Variants in SH3BP2 observed in about 807,000 individuals in gnomAD.
SH3BP2 encodes the protein SH3 domain-binding protein 2.
Under a neutral mutation model 56.2 loss-of-function variants are expected in SH3BP2, and 38 were observed. The observed-to-expected ratio is 0.68, with a 90% CI of 0.52 to 0.89. The LOEUF (loss-of-function observed/expected upper bound fraction) is 0.89, where lower values mean the gene tolerates loss of function less well. SH3BP2 is among the 40% of genes least tolerant of loss of function. SH3BP2 has a pLI of 0.00. For synonymous variants in SH3BP2, 346 were observed against 316.7 expected (o/e 1.09, Z -0.98); for missense variants, 748 against 762.6 (o/e 0.98, Z 0.23).
In SH3BP2 at chr4:2,831,892, C is replaced by T. The variant is rs376448614; in HGVS notation, c.1351-31C>T. On this transcript the variant is annotated intron_variant, in intron 9 of 12. Coordinates refer to ENST00000503393, the MANE Select transcript of SH3BP2 (RefSeq NM_001122681.2). This position sits in a 1 kb window ranked among gnomAD's most constrained non-coding sequence, Gnocchi z 4.1. ...TGGTGGTGCGGGTGGATCACTCCGACGTTGGCACTGACACCGTCAGCCTCT... is the reference window on the plus strand; with the variant it reads ...TGGTGGTGCGGGTGGATCACTCCGATGTTGGCACTGACACCGTCAGCCTCT... 114 of 1,609,876 alleles carry T rather than the reference C, an allele frequency of 7.1e-5. No individual in the cohort carries two copies. The highest frequency in any genetic ancestry group is 6.2e-4 in the East Asian group (28 of 44,840).
At position 2,836,089 on chromosome 4, in the gene SH3BP2, C is replaced by T. The variant is rs1227761194; in HGVS notation, c.*2255C>T. 1.3e-5 allele frequency: 2 copies of T among 152,256 alleles called. No individual in the cohort carries two copies. The highest frequency in any genetic ancestry group is 1.3e-4 in the Admixed American group (2 of 15,280). The allele number at this position is 152,256 out of a possible 1,614,324, so 9.4% of individuals were successfully genotyped here. ...TCAAGTGGCTAAAGCATCCTGGGGC[C>T]CAGAGCCAGGTGATAGGTCCCTCTG... On this transcript the variant is annotated 3_prime_UTR_variant, in exon 13 of 13. Coordinates refer to ENST00000503393, the MANE Select transcript of SH3BP2 (RefSeq NM_001122681.2).
In SH3BP2 at chr4:2,831,607, C is replaced by T; in HGVS notation, c.1278C>T (p.Phe426=). The T allele has an allele frequency of 1.2e-6, 2 of 1,601,160 alleles. No individual in the cohort carries two copies. Among genetic ancestry groups the T allele is most frequent in the South Asian group, 2.2e-5 (2 of 89,120 alleles). ...CCGATGGGCAGAGTTTCAGGAGCTT[C>T]TCCTTTGAAAAGCCCCGGCAACCCT... ...SPPDGQSFRS[F]SFEKPRQPSQ... The change falls in exon 9 of 13, where the codon TTC becomes TTT. Residue 426 remains phenylalanine, a synonymous_variant. Coordinates refer to ENST00000503393, the MANE Select transcript of SH3BP2 (RefSeq NM_001122681.2). This position sits in a 1 kb window ranked among gnomAD's most constrained non-coding sequence, Gnocchi z 4.1.
chr4:2,803,127 C>T (rs11933325), intron 1 of SH3BP2, among the ~76,000 whole-genome samples: 44,280 of 152,058 alleles, frequency 0.29, 7,589 homozygotes, highest in African/African-American at 0.48. Context: ...AAGGGACAGG[C>T]GGCGCAGGGC....
rs1192457972 is a variant in SH3BP2, at chr4:2,827,586, A to AC, written c.518-14dup. The AC allele has an allele frequency of 5.1e-6, 8 of 1,567,110 alleles. No individual in the cohort carries two copies. The highest frequency in any genetic ancestry group is 3.7e-5 in the Admixed American group (2 of 54,306). On this transcript the variant is annotated intron_variant, in intron 6 of 12. Transcript: ENST00000503393. ...GGCCTGGGCCGGTTTGGCTCTCACC[A>AC]CCCCCCTCTCCCCATGCAGACTATG... is the stretch of plus-strand genomic sequence containing the variant.
chr4:2,813,858 GTT>G (rs1291875924), intron 1 of SH3BP2, among the ~76,000 whole-genome samples: 3 of 152,190 alleles, frequency 2.0e-5, no homozygotes, highest in Non-Finnish European at 4.4e-5. Flanking sequence ...TGGTGTGAGT[GTT>G]AACTGTACAT....
intron 1 of SH3BP2, chr4:2,818,730 T>G: frequency 1.0e-6 from 1 of 990,884 alleles, no homozygotes; most frequent in Non-Finnish European, 1.2e-6. Context: ...GGCCTGTGGT[T>G]GGGGGTCCTG....
chr4:2,819,298 C>T (rs890748721), intron 1 of SH3BP2, among the ~76,000 whole-genome samples: 1 of 152,188 alleles, frequency 6.6e-6, no homozygotes, highest in Admixed American at 6.5e-5. Context: ...TAGACCACTG[C>T]AGCCTCAAAC....
At position 2,838,174 on chromosome 4, in the gene SH3BP2, C is replaced by T. The variant is rs1725300371; in HGVS notation, c.*4340C>T. 6.6e-6 allele frequency: 1 copy of T among 152,222 alleles called. No homozygotes were observed. The highest frequency in any genetic ancestry group is 1.5e-5 in the Non-Finnish European group (1 of 68,052). 9.4% of individuals were successfully genotyped at this position (152,222 alleles called of 1,614,324 possible). A position where few individuals can be genotyped will look rare whatever the true frequency, so the allele number is the denominator to read the frequency against. Reference sequence around the variant, plus strand: ...AAGTGAATAAAACATAAATGCACAACCTAACACACTGTTAGGAAGTGAACG... The same window carrying T: ...AAGTGAATAAAACATAAATGCACAATCTAACACACTGTTAGGAAGTGAACG... On this transcript the variant is annotated 3_prime_UTR_variant, in exon 13 of 13. Transcript: ENST00000503393.
In SH3BP2 at chr4:2,827,332, C is replaced by A; in HGVS notation, c.517+14C>A. On this transcript the variant is annotated intron_variant, in intron 6 of 12. Transcript: ENST00000503393. ...CGGACAATGAAGGTGAGGTCTTTCT[C>A]CGCATCCACTGCCCGTTTGCCTCTC... is the stretch of plus-strand genomic sequence containing the variant. The A allele has an allele frequency of 6.2e-7, 1 of 1,610,364 alleles. No individual in the cohort carries two copies. Among genetic ancestry groups the A allele is most frequent in the Non-Finnish European group, 8.5e-7 (1 of 1,176,532 alleles).
At chr4:2,818,049 C>A in intron 1 of SH3BP2, 1 of 217,672 alleles carries the variant, frequency 4.6e-6, no homozygotes, top group South Asian at 1.6e-4. Context: ...CAAGCGCCCA[C>A]CAACCTCCTT....
Position 2,838,357 on chromosome 4 carries a change from C to T in SH3BP2, c.*4523C>T, listed in dbSNP as rs1426673120. On this transcript the variant is annotated 3_prime_UTR_variant, in exon 13 of 13. Transcript: ENST00000503393. ...AATTATGCAGGCATTGCAGTATTTT[C>T]CTGTTTCTGTGCTTTATCCCCTTGA... The T allele has an allele frequency of 6.6e-6, 1 of 152,192 alleles. No individual in the cohort carries two copies. Among genetic ancestry groups the T allele is most frequent in the Non-Finnish European group, 1.5e-5 (1 of 68,034 alleles). 9.4% of individuals were successfully genotyped at this position (152,192 alleles called of 1,614,324 possible).
At chr4:2,808,396 C>T (rs1723620768) in intron 1 of SH3BP2, among the ~76,000 whole-genome samples, 1 of 152,212 alleles carries the variant, frequency 6.6e-6, no homozygotes, top group Non-Finnish European at 1.5e-5. Context: ...ACATCGAAGA[C>T]CCTTTTTCCA....
chr4:2,827,743 G>A, intron 7 of SH3BP2, 69 bp downstream of exon 7: 2 of 1,358,836 alleles, frequency 1.5e-6, no homozygotes, highest in Non-Finnish European at 2.1e-6. Context: ...CGGGAGCAGA[G>A]CCCCTCCGAG....
rs1439986387 is a variant in SH3BP2, at chr4:2,818,279, G to A, written c.-4-2335G>A. 1.9e-6 allele frequency: 2 copies of A among 1,028,044 alleles called. No individual in the cohort carries two copies. Among genetic ancestry groups the A allele is most frequent in the Non-Finnish European group, 2.3e-6 (2 of 859,504 alleles). 63.7% of individuals were successfully genotyped at this position (1,028,044 alleles called of 1,614,324 possible). On this transcript the variant is annotated intron_variant, in intron 1 of 12. Transcript: ENST00000503393. The stretch of plus-strand genomic sequence containing the variant: ...TGGGGCCGGCGGGAGGCGGGCGCCC[G>A]GGACGAGGCGGCGGCGGCCGGGGGA...
Position 2,803,542 on chromosome 4 carries a change from G to C in SH3BP2, c.-5+10404G>C, listed in dbSNP as rs139020758. ...CAGGGAGTGAAGTGACTTGCCCCTAGTCTCCAGCTTAAGGGACCAAGGCTG... is the reference window on the plus strand; with the variant it reads ...CAGGGAGTGAAGTGACTTGCCCCTACTCTCCAGCTTAAGGGACCAAGGCTG... On this transcript the variant is annotated intron_variant, in intron 1 of 12. Coordinates refer to ENST00000503393, the MANE Select transcript of SH3BP2 (RefSeq NM_001122681.2). Among the ~76,000 whole-genome samples the C allele has an allele frequency of 6.7e-3, 1,014 of 152,282 alleles. 7 individuals carry two copies. Among genetic ancestry groups the C allele is most frequent in the African/African-American group, 0.023 (943 of 41,552 alleles).
chr4:2,838,247 T>A lies in SH3BP2; in HGVS notation c.*4413T>A, dbSNP rs1051949160. The A allele has an allele frequency of 6.6e-6, 1 of 152,234 alleles. No homozygotes were observed. Among genetic ancestry groups the A allele is most frequent in the Non-Finnish European group, 1.5e-5 (1 of 68,042 alleles). The allele number at this position is 152,234 out of a possible 1,614,324, so 9.4% of individuals were successfully genotyped here. The stretch of plus-strand genomic sequence containing the variant: ...TAGTTTTGCCAGCACCCAAGTGCCC[T>A]CCCCTCACAGTGTCACTTCCGGCCT... On this transcript the variant is annotated 3_prime_UTR_variant, in exon 13 of 13. Transcript: ENST00000503393.
At chr4:2,833,469 C>T (rs1363395139) in intron 12 of SH3BP2, 1 of 630,014 alleles carries the variant, frequency 1.6e-6, no homozygotes, top group East Asian at 2.8e-5. Flanking sequence ...GTCTGAAGTG[C>T]TCTGGGTGCA....
chr4:2,796,308 C>A, intron 1 of SH3BP2: 1 of 603,408 alleles, frequency 1.7e-6, no homozygotes, highest in Non-Finnish European at 2.1e-6. Context: ...GACAGGAGTT[C>A]GAGGTGGTGC....
At chr4:2,804,145 C>T (rs1225211778) in intron 1 of SH3BP2, among the ~76,000 whole-genome samples, 1 of 152,184 alleles carries the variant, frequency 6.6e-6, no homozygotes, top group Non-Finnish European at 1.5e-5. Context: ...GTTTCCTCAG[C>T]TGCCTGGTGG....
Sources: allele counts gnomAD v4.1 joint callset (sites outside exome capture counted in the v4.1 genomes callset), GRCh38; gene constraint gnomAD v4.1.1; non-coding constraint Gnocchi (gnomAD v3.1); transcripts MANE v1.5; gene names NCBI Gene and HGNC (gene_info 2026-07-23, HGNC 2026-07-21).